PTGFRN: variants seen among roughly 807,000 people sequenced by gnomAD.
The protein encoded by PTGFRN is prostaglandin F2 receptor inhibitor.
In PTGFRN, 35 loss-of-function variants were observed where a neutral mutation model predicts 83.2. The observed-to-expected ratio is 0.42, with a 90% CI of 0.32 to 0.56. PTGFRN has a LOEUF of 0.56. PTGFRN is among the 20% of genes least tolerant of loss of function. The pLI, the probability that PTGFRN is intolerant of heterozygous loss-of-function variation, is 0.11. For missense variants in PTGFRN, 1,051 were observed against 1,179.5 expected, an observed-to-expected ratio of 0.89 and a Z score of 1.60; for synonymous variants, 519 against 498.6, an observed-to-expected ratio of 1.04 and a Z score of -0.55.
chr1:116,910,826 C>T (rs1014148297), intron 1 of PTGFRN, among the ~76,000 whole-genome samples: 1 of 152,208 alleles, frequency 6.6e-6, no homozygotes, highest in Non-Finnish European at 1.5e-5. Context: ...CCGTCATTTT[C>T]GTCGTGGCTA....
At chr1:116,960,196 G>C (rs912575778) in intron 4 of PTGFRN, among the ~76,000 whole-genome samples, 1 of 152,158 alleles carries the variant, frequency 6.6e-6, no homozygotes, top group Non-Finnish European at 1.5e-5. Context: ...CCCAGGACCA[G>C]GTGACATTGA....
In PTGFRN at chr1:116,961,756, G is replaced by A; in HGVS notation, c.1639+88G>A. 1.6e-6 allele frequency: 2 copies of A among 1,256,642 alleles called. No individual in the cohort carries two copies. Among genetic ancestry groups the A allele is most frequent in the Non-Finnish European group, 2.2e-6 (2 of 911,522 alleles). The allele number at this position is 1,256,642 out of a possible 1,614,324, so 77.8% of individuals were successfully genotyped here. A position where few individuals can be genotyped will look rare whatever the true frequency, so the allele number is the denominator to read the frequency against. ...GTTGATGCACAGTCACCCTCTGCAG[G>A]TTATCACTTACACTAGGAATGTGTG... On this transcript the variant is annotated intron_variant, in intron 5 of 8. Transcript: ENST00000393203. This position sits in a 1 kb window ranked among gnomAD's most constrained non-coding sequence, Gnocchi z 5.4.
chr1:116,987,434 G>A lies in PTGFRN; in HGVS notation c.*467G>A, dbSNP rs527957067. The A allele has an allele frequency of 1.1e-4, 20 of 181,156 alleles. No individual in the cohort carries two copies. The highest frequency in any genetic ancestry group is 4.0e-4 in the African/African-American group (17 of 42,136). 11.2% of individuals were successfully genotyped at this position (181,156 alleles called of 1,614,324 possible). A position where few individuals can be genotyped will look rare whatever the true frequency, so the allele number is the denominator to read the frequency against. ...AGCTGCTGAGCGCCACCCTCTACCC[G>A]GCTGACAGACAACACAGACCTGTGC... On this transcript the variant is annotated 3_prime_UTR_variant, in exon 9 of 9. Coordinates refer to ENST00000393203, the MANE Select transcript of PTGFRN (RefSeq NM_020440.4).
In PTGFRN at chr1:116,941,615, C is replaced by G; in HGVS notation, c.50-100C>G. 1 of 1,457,112 alleles carries G rather than the reference C, an allele frequency of 6.9e-7. No homozygotes were observed. The highest frequency in any genetic ancestry group is 1.4e-5 in the African/African-American group (1 of 70,752). The allele number at this position is 1,457,112 out of a possible 1,614,324, so 90.3% of individuals were successfully genotyped here. A position where few individuals can be genotyped will look rare whatever the true frequency, so the allele number is the denominator to read the frequency against. On this transcript the variant is annotated intron_variant, in intron 1 of 8. Transcript: ENST00000393203. The surrounding 1 kb of genome is among the most constrained non-coding windows in gnomAD (Gnocchi z 5.0). Reference sequence around the variant, plus strand: ...CCCTAGTAGTTTGGCTGTCACGTTTCTGCCATGCCTGTGAGCAGGAGCATC... The same window carrying G: ...CCCTAGTAGTTTGGCTGTCACGTTTGTGCCATGCCTGTGAGCAGGAGCATC...
rs1651630517 is a variant in PTGFRN, at chr1:116,989,291, T to C, written c.*2324T>C. The C allele has an allele frequency of 6.6e-6, 1 of 152,330 alleles. No individual in the cohort carries two copies. The highest frequency in any genetic ancestry group is 2.4e-5 in the African/African-American group (1 of 41,444). The allele number at this position is 152,330 out of a possible 1,614,324, so 9.4% of individuals were successfully genotyped here. ...CTCCACCCACCTGCCCCATGTCCAC[T>C]GGGCTGCCCAAGCTGCATGTCACCT... is the stretch of plus-strand genomic sequence containing the variant. On this transcript the variant is annotated 3_prime_UTR_variant, in exon 9 of 9. Coordinates refer to ENST00000393203, the MANE Select transcript of PTGFRN (RefSeq NM_020440.4).
chr1:116,967,125 T>C lies in PTGFRN; in HGVS notation c.1854T>C (p.Asn618=). ...AGGATTCTGTGGTGAAGCTGGAGAA[T>C]TGGACAGATGCATCACGGGTGGATG... ...LDQDSVVKLE[N]WTDASRVDGV... The change falls in exon 6 of 9, where the codon AAT becomes AAC. Residue 618 remains asparagine (N), a synonymous_variant. Coordinates refer to ENST00000393203, the MANE Select transcript of PTGFRN (RefSeq NM_020440.4). 1.9e-6 allele frequency: 3 copies of C among 1,614,162 alleles called. No homozygotes were observed. Among genetic ancestry groups the C allele is most frequent in the South Asian group, 1.1e-5 (1 of 91,078 alleles).
chr1:116,920,646 C>T (rs910583079), intron 1 of PTGFRN, among the ~76,000 whole-genome samples: 1 of 152,116 alleles, frequency 6.6e-6, no homozygotes, highest in Non-Finnish European at 1.5e-5. Flanking sequence ...TTTTTTGAAG[C>T]AGGGTCTTGC....
At chr1:116,954,753 T>C (rs1048178682) in intron 4 of PTGFRN, among the ~76,000 whole-genome samples, 1 of 105,600 alleles carries the variant, frequency 9.5e-6, no homozygotes, top group Admixed American at 1.1e-4. Context: ...TCACACACTC[T>C]GCAAGGCCTT....
intron 1 of PTGFRN, among the ~76,000 whole-genome samples, chr1:116,916,609 C>T (rs955192333): frequency 6.6e-6 from 1 of 152,176 alleles, no homozygotes; most frequent in African/African-American, 2.4e-5. Context: ...CAAAGGCCTG[C>T]GTACCCAGAG....
At chr1:116,951,966 C>T (rs1255567250) in intron 4 of PTGFRN, among the ~76,000 whole-genome samples, 2 of 152,142 alleles carry the variant, frequency 1.3e-5, no homozygotes, top group East Asian at 1.9e-4. Flanking sequence ...GACAAGCACT[C>T]TGTTGATATA....
chr1:116,934,672 C>A (rs1005023833), intron 1 of PTGFRN, among the ~76,000 whole-genome samples: 1 of 145,510 alleles, frequency 6.9e-6, no homozygotes, highest in Non-Finnish European at 1.5e-5. Flanking sequence ...AGGTCTGTTT[C>A]TATTGTCTTA....
intron 4 of PTGFRN, among the ~76,000 whole-genome samples, chr1:116,955,007 A>G (rs1046389994): frequency 6.6e-6 from 1 of 152,242 alleles, no homozygotes; most frequent in African/African-American, 2.4e-5. Context: ...AAAAGGAGGT[A>G]TTTTGTATGA....
intron 3 of PTGFRN, among the ~76,000 whole-genome samples, chr1:116,945,776 CAAT>C (rs1258570552): frequency 6.7e-6 from 1 of 148,816 alleles, no homozygotes; most frequent in African/African-American, 2.5e-5. Flanking sequence ...CCCTCTACTG[CAAT>C]TATAGAAGTA....
intron 4 of PTGFRN, among the ~76,000 whole-genome samples, chr1:116,950,452 C>T (rs1009933421): frequency 4.6e-5 from 7 of 152,138 alleles, no homozygotes; most frequent in Non-Finnish European, 7.3e-5. Context: ...CTCTACTGTC[C>T]GTGAGTGCCT....
chr1:116,915,664 T>TC (rs1005462584), intron 1 of PTGFRN, among the ~76,000 whole-genome samples: 1 of 152,156 alleles, frequency 6.6e-6, no homozygotes, highest in Non-Finnish European at 1.5e-5. Context: ...GAGCTGATTT[T>TC]CCCCCCGTAG....
intron 1 of PTGFRN, among the ~76,000 whole-genome samples, chr1:116,911,185 G>A (rs1028095614): frequency 9.2e-5 from 14 of 152,202 alleles, no homozygotes; most frequent in African/African-American, 3.1e-4. Flanking sequence ...ACTCTTAAAT[G>A]TTTTGATATT....
At chr1:116,959,267 C>T (rs1650579228) in intron 4 of PTGFRN, among the ~76,000 whole-genome samples, 1 of 152,194 alleles carries the variant, frequency 6.6e-6, no homozygotes, top group African/African-American at 2.4e-5. Context: ...GTAAAATGAG[C>T]AGTCAGAATG....
chr1:116,946,706 A>G (rs1650210288), intron 3 of PTGFRN, among the ~76,000 whole-genome samples: 1 of 152,198 alleles, frequency 6.6e-6, no homozygotes, highest in Non-Finnish European at 1.5e-5. Flanking sequence ...GCCTTTTGAA[A>G]CCTACAGACC....
chr1:116,953,312 A>C (rs996916368), intron 4 of PTGFRN, among the ~76,000 whole-genome samples: 1 of 152,182 alleles, frequency 6.6e-6, no homozygotes. Flanking sequence ...GTTCTGGGCC[A>C]TTTATAGGCG....
Sources: gnomAD v4.1 joint callset for allele counts (sites outside exome capture counted in the v4.1 genomes callset) on GRCh38, gnomAD v4.1.1 for gene constraint, Gnocchi (gnomAD v3.1) non-coding constraint, MANE v1.5 for transcripts, NCBI Gene and HGNC (gene_info 2026-07-23, HGNC 2026-07-21) for gene names.